Variants in FSTL4 observed in about 807,000 individuals in gnomAD.
The protein encoded by FSTL4 is follistatin like 4.
FSTL4 carries 28 observed loss-of-function variants against 78.2 expected under a neutral mutation model. The observed-to-expected ratio is 0.36, with a 90% confidence interval of 0.27 to 0.49. The LOEUF is 0.49. Among genes scored for constraint, FSTL4 ranks in the 20% least tolerant of loss-of-function variants. The pLI is 0.98. For synonymous variants in FSTL4, 422 were observed against 440.5 expected (o/e 0.96, Z 0.53); for missense variants, 922 against 1,084.9 (o/e 0.85, Z 2.11).
At chr5:133,730,790 C>T in the FSTL4 span, among the ~76,000 whole-genome samples, 1 of 152,146 alleles carries the variant, frequency 6.6e-6, no homozygotes, top group Non-Finnish European at 1.5e-5. Flanking sequence ...AGAAACCAGC[C>T]CATCTGTCTG....
chr5:133,820,457 G>C, the FSTL4 span, among the ~76,000 whole-genome samples: 2 of 152,098 alleles, frequency 1.3e-5, no homozygotes, highest in Non-Finnish European at 1.5e-5. Context: ...AAGCACCCTT[G>C]AAACCAGAGG....
chr5:133,359,824 G>A (rs768345636), intron 4 of FSTL4, among the ~76,000 whole-genome samples: 7 of 152,036 alleles, frequency 4.6e-5, no homozygotes, highest in Non-Finnish European at 5.9e-5. Flanking sequence ...TTTCCTACCC[G>A]TTCTGCTGCT....
intron 4 of FSTL4, among the ~76,000 whole-genome samples, chr5:133,332,344 C>G (rs552384558): frequency 2.0e-4 from 30 of 152,336 alleles, no homozygotes; most frequent in Non-Finnish European, 4.1e-4. Flanking sequence ...GTTCCCAGAG[C>G]CTGAGAATGG....
At chr5:133,785,063 C>T in the FSTL4 span, among the ~76,000 whole-genome samples, 8 of 152,076 alleles carry the variant, frequency 5.3e-5, no homozygotes, top group Non-Finnish European at 7.4e-5. Flanking sequence ...CCTCTGAGCT[C>T]GAGAAGGAAC....
chr5:133,666,646 T>C, the FSTL4 span, among the ~76,000 whole-genome samples: 1 of 152,098 alleles, frequency 6.6e-6, no homozygotes, highest in Admixed American at 6.5e-5. Flanking sequence ...CTTTCATGAA[T>C]GCACACAAGA....
At chr5:133,626,446 A>C in the FSTL4 span, among the ~76,000 whole-genome samples, 2 of 146,092 alleles carry the variant, frequency 1.4e-5, no homozygotes, top group Non-Finnish European at 3.0e-5. Context: ...CAAGCAATTC[A>C]CCTGCCTCAG....
chr5:133,217,266 A>ACTCTAG lies in FSTL4; in HGVS notation c.1570_1571insCTAGAG (p.Arg523_Val524insAlaArg). The ACTCTAG allele has an allele frequency of 6.2e-7, 1 of 1,613,862 alleles. No individual in the cohort carries two copies. The highest frequency in any genetic ancestry group is 8.5e-7 in the Non-Finnish European group (1 of 1,179,934). On this transcript the variant is annotated inframe_insertion, in exon 13 of 16. Coordinates refer to ENST00000265342, the MANE Select transcript of FSTL4 (RefSeq NM_015082.2). The stretch of plus-strand genomic sequence containing the variant: ...CTGGGCTTGGATGTCGACCACAAGG[A>ACTCTAG]CTCTGCTCAGTGCTGGCTGGGCCAC...
chr5:133,336,058 C>T (rs560503863), intron 4 of FSTL4, among the ~76,000 whole-genome samples: 4 of 152,316 alleles, frequency 2.6e-5, no homozygotes, highest in South Asian at 2.1e-4. Flanking sequence ...GAATTACTAC[C>T]GGGACTTACT....
At chr5:133,480,532 C>G (rs945723711) in intron 3 of FSTL4, among the ~76,000 whole-genome samples, 9 of 152,036 alleles carry the variant, frequency 5.9e-5, no homozygotes, top group African/African-American at 2.2e-4. Context: ...CTGATTCAAC[C>G]CCAGCCACTC....
chr5:133,837,412 C>A, the FSTL4 span, among the ~76,000 whole-genome samples: 1 of 152,170 alleles, frequency 6.6e-6, no homozygotes, highest in Non-Finnish European at 1.5e-5. Context: ...TACAGGCATT[C>A]TCTCTTGGTT....
chr5:133,788,379 C>A, the FSTL4 span, among the ~76,000 whole-genome samples: 1 of 152,230 alleles, frequency 6.6e-6, no homozygotes, highest in Non-Finnish European at 1.5e-5. Context: ...ATGACGGGAC[C>A]ACTGTAATAG....
At chr5:133,572,739 G>A (rs181511077) in intron 2 of FSTL4, among the ~76,000 whole-genome samples, 1 of 152,108 alleles carries the variant, frequency 6.6e-6, no homozygotes, top group African/African-American at 2.4e-5. Context: ...AAAAGATCAG[G>A]AGGTCAAATG....
chr5:133,605,859 G>A (rs1760965582), intron 1 of FSTL4, among the ~76,000 whole-genome samples: 1 of 152,080 alleles, frequency 6.6e-6, no homozygotes, highest in African/African-American at 2.4e-5. Context: ...ATAATCTGAA[G>A]GTCACAGTCT....
chr5:133,580,383 C>A (rs1160924716), intron 2 of FSTL4, among the ~76,000 whole-genome samples: 1 of 152,188 alleles, frequency 6.6e-6, no homozygotes, highest in Non-Finnish European at 1.5e-5. Flanking sequence ...TTCGTTTGTT[C>A]ATGTGTTCAC....
chr5:133,305,173 C>T (rs1011061244), intron 6 of FSTL4, among the ~76,000 whole-genome samples: 1 of 152,236 alleles, frequency 6.6e-6, no homozygotes, highest in Non-Finnish European at 1.5e-5. Context: ...AAGTCCAGCT[C>T]TCCAGCTGAT....
intron 6 of FSTL4, among the ~76,000 whole-genome samples, chr5:133,264,632 C>A (rs1752604870): frequency 6.6e-6 from 1 of 152,284 alleles, no homozygotes; most frequent in Admixed American, 6.5e-5. Context: ...CGCATGGCAG[C>A]AAAGTTTTAA....
chr5:133,707,529 C>A, the FSTL4 span, among the ~76,000 whole-genome samples: 1 of 152,296 alleles, frequency 6.6e-6, no homozygotes, highest in Middle Eastern at 3.4e-3. Context: ...GGAAAGCATC[C>A]CTGTAGCCTG....
chr5:133,355,793 T>G (rs1013960537), intron 4 of FSTL4, among the ~76,000 whole-genome samples: 10 of 152,360 alleles, frequency 6.6e-5, no homozygotes, highest in African/African-American at 2.4e-4. Context: ...TAATCCTTTA[T>G]TTCAGACTCA....
chr5:133,375,312 A>ATATATATATGTATATATATATATATATAT (rs1554109201), intron 4 of FSTL4, among the ~76,000 whole-genome samples: 2 of 134,662 alleles, frequency 1.5e-5, no homozygotes, highest in African/African-American at 5.3e-5. Flanking sequence ...ATATATATAT[A>ATATATATATGTATATATATATATATATAT]AAAGACTCTA....
Sources: gnomAD v4.1 joint callset for allele counts (sites outside exome capture counted in the v4.1 genomes callset) on GRCh38, gnomAD v4.1.1 for gene constraint, MANE v1.5 for transcripts, NCBI Gene and HGNC (gene_info 2026-07-23, HGNC 2026-07-21) for gene names.